The following GDF1 variants were observed in gnomAD, a reference collection of about 807,000 sequenced individuals.
GDF1 encodes the protein growth differentiation factor 1.
A neutral mutation model predicts 7.4 loss-of-function variants in GDF1; 8 were observed. The observed-to-expected ratio is 1.09, with a 90% CI of 0.64 to 1.96. GDF1 has a LOEUF of 1.96. GDF1 is among the 30% of genes most tolerant of loss of function. The pLI, the probability that GDF1 is intolerant of heterozygous loss-of-function variation, is 0.00. For missense variants in GDF1, 574 were observed against 551.5 expected (o/e 1.04, Z -0.41); for synonymous variants, 311 against 276.7 (o/e 1.12, Z -1.23).
chr19:18,869,258 G>C lies in GDF1; in HGVS notation c.458C>G (p.Ala153Gly), dbSNP rs1305548087. Residue 153 changes from alanine (A) to glycine (G), a missense_variant, in exon 8 of 8, where the codon GCG becomes GGG. Transcript: ENST00000247005. ...GCCCTCCGGGGCTGCCGCCGCCGCC[G>C]CCGCGAAACGCAGCTCCAGGCGGGC... ...SRARLELRFA[A>G]AAAAAPEGGW... The C allele has an allele frequency of 6.9e-7, 1 of 1,451,776 alleles. No individual in the cohort carries two copies. 89.9% of individuals were successfully genotyped at this position (1,451,776 alleles called of 1,614,324 possible).
Position 18,869,087 on chromosome 19 carries a change from G to T in GDF1, c.629C>A (p.Pro210Gln). ...GAAWARNASWPRSLRLALALR... is the reference protein window; with the variant it reads ...GAAWARNASWQRSLRLALALR... The stretch of plus-strand genomic sequence containing the variant: ...CGCCAGCGCCAGGCGGAGGCTGCGC[G>T]GCCATGAGGCGTTGCGAGCCCAAGC... Residue 210 changes from proline to glutamine, a missense_variant, in exon 8 of 8, where the codon CCG becomes CAG. By Grantham distance (76) the Pro-to-Gln change is moderately conservative. Coordinates refer to ENST00000247005, the MANE Select transcript of GDF1 (RefSeq NM_001492.6). The T allele has an allele frequency of 9.4e-7, 1 of 1,064,558 alleles. No individual in the cohort carries two copies. The allele number at this position is 1,064,558 out of a possible 1,614,324, so 65.9% of individuals were successfully genotyped here.
chr19:18,876,567 TAG>T (rs1417812295), intron 6 of GDF1, among the ~76,000 whole-genome samples: 1 of 151,016 alleles, frequency 6.6e-6, no homozygotes, highest in East Asian at 2.0e-4. Context: ...TGTGTGTGTG[TAG>T]GAACTGCATA....
rs2056620985 is a variant in GDF1 at position 18,896,074 on chromosome 19, C to T, written c.-1324G>A. On this transcript the variant is annotated 5_prime_UTR_variant, in exon 1 of 8. Transcript: ENST00000247005. The surrounding 1 kb of genome is among the most constrained non-coding windows in gnomAD (Gnocchi z 5.9). ...CGCCGCGGGCCCCGCCGCCGCCATA[C>T]CGCCCGCTCGCCCGCCGTGCCCGTC... is the stretch of plus-strand genomic sequence containing the variant. 37 of 967,436 alleles carry T rather than the reference C, an allele frequency of 3.8e-5. No individual in the cohort carries two copies. Among genetic ancestry groups the T allele is most frequent in the Admixed American group, 6.3e-5 (1 of 15,824 alleles). The allele number at this position is 967,436 out of a possible 1,614,324, so 59.9% of individuals were successfully genotyped here. A position where few individuals can be genotyped will look rare whatever the true frequency, so the allele number is the denominator to read the frequency against.
intron 1 of GDF1, among the ~76,000 whole-genome samples, chr19:18,894,817 G>A (rs1357918300): frequency 1.3e-5 from 2 of 152,156 alleles, no homozygotes; most frequent in Admixed American, 6.5e-5. Flanking sequence ...ACAAGGGCCA[G>A]CCTCTTCCCG....
Position 18,868,975 on chromosome 19 carries a change from G to T in GDF1, c.741C>A (p.Pro247=). Residue 247 remains proline (P), a synonymous_variant, in exon 8 of 8, where the codon CCC becomes CCA. Coordinates refer to ENST00000247005, the MANE Select transcript of GDF1 (RefSeq NM_001492.6). ...CGGCGTCGCGCCGCGGCCGGGCCAG[G>T]GGGTGGCACAGGCGCGGGTCGAGGG... ...LVTLDPRLCH[P]LARPRRDAEP... is the part of the protein sequence containing the mutation. 1 of 1,141,990 alleles carries T rather than the reference G, an allele frequency of 8.8e-7. No individual in the cohort carries two copies. Among genetic ancestry groups the T allele is most frequent in the South Asian group, 3.2e-5 (1 of 30,978 alleles). 70.7% of individuals were successfully genotyped at this position (1,141,990 alleles called of 1,614,324 possible). A position where few individuals can be genotyped will look rare whatever the true frequency, so the allele number is the denominator to read the frequency against.
Position 18,878,873 on chromosome 19 carries a change from G to A in GDF1, c.-313+57C>T, listed in dbSNP as rs574583812. ...GTCTTGGGGGCCTGCCCACGAACAC[G>A]CTTGGACGGGTGACACTAAAGGAGG... On this transcript the variant is annotated intron_variant, in intron 6 of 7. Transcript: ENST00000247005. The surrounding 1 kb of genome is among the most constrained non-coding windows in gnomAD (Gnocchi z 4.6). 5.5e-5 allele frequency: 87 copies of A among 1,592,336 alleles called. 1 individual carries two copies. In the South Asian group the frequency reaches 8.2e-4, roughly 15 times the overall value.
intron 3 of GDF1, among the ~76,000 whole-genome samples, chr19:18,881,396 T>A (rs893815984): frequency 1.3e-5 from 2 of 151,864 alleles, no homozygotes; most frequent in Non-Finnish European, 2.9e-5. Flanking sequence ...AATTTTGTAT[T>A]TTTAGTAGAG....
At position 18,869,013 on chromosome 19, in the gene GDF1, G is replaced by A. The variant is rs2055908203; in HGVS notation, c.703C>T (p.Leu235=). 9.2e-7 allele frequency: 1 copy of A among 1,092,312 alleles called. No homozygotes were observed. 67.7% of individuals were successfully genotyped at this position (1,092,312 alleles called of 1,614,324 possible). A position where few individuals can be genotyped will look rare whatever the true frequency, so the allele number is the denominator to read the frequency against. ...AACARLAEAS[L]LLVTLDPRLC... Reference sequence around the variant, plus strand: ...CGCGGGTCGAGGGTCACCAGCAGCAGCGAGGCCTCGGCCAGGCGCGCGCAG... The same window carrying A: ...CGCGGGTCGAGGGTCACCAGCAGCAACGAGGCCTCGGCCAGGCGCGCGCAG... Residue 235 remains leucine (L), a synonymous_variant, in exon 8 of 8, where the codon CTG becomes TTG. Coordinates refer to ENST00000247005, the MANE Select transcript of GDF1 (RefSeq NM_001492.6).
At chr19:18,883,293 G>T (rs956262602) in intron 3 of GDF1, 4 of 152,166 alleles carry the variant, frequency 2.6e-5, no homozygotes, top group Non-Finnish European at 5.9e-5. Flanking sequence ...ACAAGAAAGA[G>T]AAAAGAACAG....
intron 7 of GDF1, 66 bp from the exon 8 acceptor site, chr19:18,869,456 A>G: frequency 6.8e-7 from 1 of 1,476,304 alleles, no homozygotes; most frequent in Non-Finnish European, 9.0e-7. Context: ...GGTCTCGGTT[A>G]GGGACAGGGA....
At chr19:18,879,815 A>C (rs1429717801) in intron 4 of GDF1, among the ~76,000 whole-genome samples, 11 of 39,676 alleles carry the variant, frequency 2.8e-4, no homozygotes, top group East Asian at 5.6e-4. Flanking sequence ...CGCCCACCTC[A>C]CCAAGCCCCC....
intron 2 of GDF1, among the ~76,000 whole-genome samples, chr19:18,893,161 C>A (rs1382198199): frequency 5.9e-5 from 9 of 152,116 alleles, no homozygotes; most frequent in Non-Finnish European, 1.0e-4. Flanking sequence ...GATCCACTCA[C>A]CTTGGCCTCC....
intron 4 of GDF1, 63 bp downstream of exon 4, chr19:18,880,211 T>C (rs974666017): frequency 2.1e-6 from 3 of 1,455,196 alleles, no homozygotes; most frequent in Non-Finnish European, 2.7e-6. Flanking sequence ...CCGCCCCTTT[T>C]CTGGACACAC....
At chr19:18,891,293 C>T (rs2056484911) in intron 2 of GDF1, among the ~76,000 whole-genome samples, 3 of 152,168 alleles carry the variant, frequency 2.0e-5, no homozygotes, top group Non-Finnish European at 2.9e-5. Flanking sequence ...ACCAGGAGCC[C>T]TCTAGGCTGT....
chr19:18,895,573 C>T lies in GDF1; in HGVS notation c.-1074+251G>A, dbSNP rs924380584. Among the ~76,000 whole-genome samples, 3 of 151,952 alleles carry T rather than the reference C, an allele frequency of 2.0e-5. No individual in the cohort carries two copies. The highest frequency in any genetic ancestry group is 6.5e-5 in the Admixed American group (1 of 15,272). On this transcript the variant is annotated intron_variant, in intron 1 of 7. Transcript: ENST00000247005. The surrounding 1 kb of genome is among the most constrained non-coding windows in gnomAD (Gnocchi z 6.4). ...TGTCCCAGACTCACCCCAGCCCGGC[C>T]ACACCCCCGCATCTACCCGGTTCCC...
In GDF1 at chr19:18,895,618, G is replaced by A. The variant is rs1307004782; in HGVS notation, c.-1074+206C>T. Among the ~76,000 whole-genome samples, 1 of 151,662 alleles carries A rather than the reference G, an allele frequency of 6.6e-6. No individual in the cohort carries two copies. The highest frequency in any genetic ancestry group is 1.5e-5 in the Non-Finnish European group (1 of 67,882). On this transcript the variant is annotated intron_variant, in intron 1 of 7. Transcript: ENST00000247005. The surrounding 1 kb of genome is among the most constrained non-coding windows in gnomAD (Gnocchi z 6.4). ...GTTCCCCCACGCAGCACTGTCTGAAGGGGGCGCGCGGCGGCCCGAGAGACC... is the reference window on the plus strand; with the variant it reads ...GTTCCCCCACGCAGCACTGTCTGAAAGGGGCGCGCGGCGGCCCGAGAGACC...
At chr19:18,885,945 G>A (rs114793964) in intron 2 of GDF1, among the ~76,000 whole-genome samples, 106 of 152,218 alleles carry the variant, frequency 7.0e-4, no homozygotes, top group African/African-American at 2.5e-3. Context: ...GCCACCAAGC[G>A]CAGGGTCTCC....
chr19:18,888,617 A>G (rs2056419379), intron 2 of GDF1, among the ~76,000 whole-genome samples: 1 of 150,772 alleles, frequency 6.6e-6, no homozygotes, highest in African/African-American at 2.4e-5. Flanking sequence ...GATCACCTGA[A>G]GTCGGGAGTT....
chr19:18,872,363 T>A (rs2055986521), intron 6 of GDF1, among the ~76,000 whole-genome samples: 1 of 152,230 alleles, frequency 6.6e-6, no homozygotes, highest in African/African-American at 2.4e-5. Flanking sequence ...TTTGTTTTTT[T>A]TTGAGATGGA....
Sources: gnomAD v4.1 joint callset for allele counts (sites outside exome capture counted in the v4.1 genomes callset) on GRCh38, gnomAD v4.1.1 for gene constraint, Gnocchi (gnomAD v3.1) non-coding constraint, MANE v1.5 for transcripts, NCBI Gene and HGNC (gene_info 2026-07-23, HGNC 2026-07-21) for gene names.